Variants in ASAP1 observed in about 807,000 individuals in gnomAD.
ASAP1 encodes arf-GAP with SH3 domain, ANK repeat and PH domain-containing protein 1.
A neutral mutation model predicts 145.2 loss-of-function variants in ASAP1; 43 were observed. The ratio of observed to expected loss-of-function variants is 0.30; its 90% CI spans 0.23 to 0.38. The LOEUF (loss-of-function observed/expected upper bound fraction) is 0.38. Among genes scored for constraint, ASAP1 ranks in the 10% least tolerant of loss-of-function variants. The pLI is 1.00. For missense variants in ASAP1, 1,018 were observed against 1,355.3 expected, an observed-to-expected ratio of 0.75 and a Z score of 3.91; for synonymous variants, 546 against 515.5, an observed-to-expected ratio of 1.06 and a Z score of -0.80.
intron 3 of ASAP1, among the ~76,000 whole-genome samples, chr8:130,304,768 A>G (rs772083963): frequency 5.3e-5 from 8 of 152,192 alleles, no homozygotes; most frequent in Non-Finnish European, 7.4e-5. Flanking sequence ...CTCACAATCT[A>G]TTTTCCAGAG....
chr8:130,251,552 G>T (rs943849821), intron 3 of ASAP1, among the ~76,000 whole-genome samples: 1 of 152,038 alleles, frequency 6.6e-6, no homozygotes, highest in African/African-American at 2.4e-5. Flanking sequence ...GATACTATCA[G>T]CAAAAAGATA....
At chr8:130,065,921 C>A (rs987823311) in intron 27 of ASAP1, among the ~76,000 whole-genome samples, 1 of 152,168 alleles carries the variant, frequency 6.6e-6, no homozygotes, top group African/African-American at 2.4e-5. Context: ...CAGAGATCAG[C>A]TGATGGTTAG....
intron 1 of ASAP1, among the ~76,000 whole-genome samples, chr8:130,440,629 C>T (rs1380247207): frequency 1.3e-5 from 2 of 152,088 alleles, no homozygotes; most frequent in Non-Finnish European, 2.9e-5. Flanking sequence ...GATCTCGTCC[C>T]TGCTTCCCTC....
chr8:130,147,063 T>A (rs1236457334), intron 13 of ASAP1, among the ~76,000 whole-genome samples: 2 of 151,510 alleles, frequency 1.3e-5, no homozygotes, highest in South Asian at 4.2e-4. Context: ...CCGTCTCTAC[T>A]AAAAATACTA....
chr8:130,317,124 CAAAACTTTTT>C (rs1466477470), intron 3 of ASAP1, among the ~76,000 whole-genome samples: 12 of 147,762 alleles, frequency 8.1e-5, no homozygotes, highest in Non-Finnish European at 1.2e-4. Context: ...CTGTCTATAA[CAAAACTTTTT>C]AGGAAAGTAC....
chr8:130,104,787 G>A (rs368394959), intron 24 of ASAP1, among the ~76,000 whole-genome samples: 66 of 152,178 alleles, frequency 4.3e-4, no homozygotes, highest in African/African-American at 1.4e-3. Flanking sequence ...TGTATATCTG[G>A]TTTTTAGTTA....
chr8:130,311,005 A>T (rs1823307868), intron 3 of ASAP1, among the ~76,000 whole-genome samples: 1 of 152,180 alleles, frequency 6.6e-6, no homozygotes, highest in Non-Finnish European at 1.5e-5. Context: ...CTCTATTGTG[A>T]AGGAGGCTTT....
chr8:130,182,018 G>A (rs1165506174), intron 7 of ASAP1, among the ~76,000 whole-genome samples: 2 of 152,114 alleles, frequency 1.3e-5, no homozygotes, highest in Non-Finnish European at 2.9e-5. Context: ...AAACCCAGTC[G>A]GGATTGACTC....
chr8:130,169,498 A>T (rs975467708), intron 9 of ASAP1, among the ~76,000 whole-genome samples: 7 of 152,248 alleles, frequency 4.6e-5, no homozygotes, highest in Non-Finnish European at 8.8e-5. Flanking sequence ...ATATGATGGA[A>T]CTACAGATAA....
In ASAP1 at chr8:130,150,300, T is replaced by G. The variant is rs566752095; in HGVS notation, c.1080+2436A>C. On this transcript the variant is annotated intron_variant, in intron 13 of 29. Coordinates refer to ENST00000518721, the MANE Select transcript of ASAP1 (RefSeq NM_018482.4). Reference sequence around the variant, plus strand: ...AACAGTTGTTTTGGCCACAACAATGTGTTTTGGCAGGAATAAAATCAGGAG... The same window carrying G: ...AACAGTTGTTTTGGCCACAACAATGGGTTTTGGCAGGAATAAAATCAGGAG... Among the ~76,000 whole-genome samples, 5 of 152,290 alleles carry G rather than the reference T, an allele frequency of 3.3e-5. No individual in the cohort carries two copies. In the East Asian group the frequency reaches 7.7e-4, roughly 23 times the overall value.
chr8:130,288,074 A>G (rs1342212057), intron 3 of ASAP1, among the ~76,000 whole-genome samples: 6 of 152,092 alleles, frequency 3.9e-5, no homozygotes, highest in African/African-American at 1.2e-4. Context: ...TGCTGCGTGG[A>G]ACTCTTCTCC....
chr8:130,082,354 TA>T (rs1310734082), intron 25 of ASAP1, among the ~76,000 whole-genome samples: 5 of 152,046 alleles, frequency 3.3e-5, no homozygotes, highest in Non-Finnish European at 5.9e-5. Flanking sequence ...GTAGGGCATT[TA>T]TTTTTTTTCT....
intron 4 of ASAP1, among the ~76,000 whole-genome samples, chr8:130,232,270 C>T (rs1817951236): frequency 6.6e-6 from 1 of 151,898 alleles, no homozygotes; most frequent in Non-Finnish European, 1.5e-5. Flanking sequence ...AGAAAATTGC[C>T]CAAGAATTAC....
intron 1 of ASAP1, among the ~76,000 whole-genome samples, chr8:130,423,514 G>A (rs1829801442): frequency 6.6e-6 from 1 of 152,078 alleles, no homozygotes; most frequent in Non-Finnish European, 1.5e-5. Flanking sequence ...GTATGTACAT[G>A]CAAAAACTAG....
Position 130,052,475 on chromosome 8 carries a change from G to A in ASAP1, c.*2256C>T, listed in dbSNP as rs1241242824. On this transcript the variant is annotated 3_prime_UTR_variant, in exon 30 of 30. Transcript: ENST00000518721. Reference sequence around the variant, plus strand: ...TATATAATGTACAAAATTGCAGATAGTGGCTTACTGAGTTTAAGATCAAGA... The same window carrying A: ...TATATAATGTACAAAATTGCAGATAATGGCTTACTGAGTTTAAGATCAAGA... 1 of 152,498 alleles carries A rather than the reference G, an allele frequency of 6.6e-6. No homozygotes were observed. Among genetic ancestry groups the A allele is most frequent in the East Asian group, 1.9e-4 (1 of 5,204 alleles). 9.4% of individuals were successfully genotyped at this position (152,498 alleles called of 1,614,324 possible). A position where few individuals can be genotyped will look rare whatever the true frequency, so the allele number is the denominator to read the frequency against.
intron 2 of ASAP1, among the ~76,000 whole-genome samples, chr8:130,395,378 T>C (rs919461169): frequency 6.6e-6 from 1 of 152,168 alleles, no homozygotes; most frequent in Non-Finnish European, 1.5e-5. Context: ...TTTGCAGATA[T>C]AATTAAGGTG....
chr8:130,323,135 C>A (rs1465686738), intron 3 of ASAP1, among the ~76,000 whole-genome samples: 1 of 152,204 alleles, frequency 6.6e-6, no homozygotes, highest in Non-Finnish European at 1.5e-5. Context: ...ACAAAAGCAA[C>A]TGCTCCTGTT....
At chr8:130,092,165 G>C in intron 24 of ASAP1, 22 bp from the exon 25 acceptor site, 1 of 1,558,944 alleles carries the variant, frequency 6.4e-7, no homozygotes, top group Non-Finnish European at 8.6e-7. Context: ...ATTGAATGGG[G>C]GCAGGAAGAT....
Position 130,334,661 on chromosome 8 carries a change from A to C in ASAP1, c.186+23356T>G, listed in dbSNP as rs1472357866. Among the ~76,000 whole-genome samples the C allele has an allele frequency of 5.9e-5, 9 of 152,342 alleles. No individual in the cohort carries two copies. In the East Asian group the frequency reaches 1.7e-3, roughly 29 times the overall value. Reference sequence around the variant, plus strand: ...GGAAAAAAACACAAGATGAATGAAAAGGTCTATTATATTTCAAGTGTGTAG... The same window carrying C: ...GGAAAAAAACACAAGATGAATGAAACGGTCTATTATATTTCAAGTGTGTAG... On this transcript the variant is annotated intron_variant, in intron 3 of 29. Transcript: ENST00000518721.
Sources: gnomAD v4.1 joint callset for allele counts (sites outside exome capture counted in the v4.1 genomes callset) on GRCh38, gnomAD v4.1.1 for gene constraint, MANE v1.5 for transcripts, NCBI Gene and HGNC (gene_info 2026-07-23, HGNC 2026-07-21) for gene names.